MACROD2: variants seen among roughly 807,000 people sequenced by gnomAD.
The protein encoded by MACROD2 is ADP-ribose glycohydrolase MACROD2.
MACROD2 carries 36 observed loss-of-function variants against 70.4 expected under a neutral mutation model. The ratio of observed to expected loss-of-function variants is 0.51; its 90% confidence interval spans 0.39 to 0.68. The LOEUF is 0.68. Among genes scored for constraint, MACROD2 ranks in the 30% least tolerant of loss-of-function variants. The probability of loss-of-function intolerance (pLI) is 0.00; values close to 1 mark genes in which losing one functional copy is unlikely to be tolerated. For synonymous variants in MACROD2, 172 were observed against 178.8 expected, an observed-to-expected ratio of 0.96 and a Z score of 0.30; for missense variants, 496 against 538.4, an observed-to-expected ratio of 0.92 and a Z score of 0.78.
chr20:14,562,565 C>T (rs1011750715), intron 4 of MACROD2, among the ~76,000 whole-genome samples: 14 of 151,850 alleles, frequency 9.2e-5, no homozygotes, highest in East Asian at 3.9e-4. Flanking sequence ...TAGTTGGCAA[C>T]AAAAATGAGG....
At chr20:15,871,354 A>G (rs1289713641) in intron 9 of MACROD2, among the ~76,000 whole-genome samples, 1 of 152,122 alleles carries the variant, frequency 6.6e-6, no homozygotes, top group African/African-American at 2.4e-5. Context: ...AAGTACTCAC[A>G]TTATGTCTTC....
chr20:15,053,168 C>T (rs1426915391), intron 5 of MACROD2, among the ~76,000 whole-genome samples: 6 of 152,176 alleles, frequency 3.9e-5, no homozygotes, highest in Non-Finnish European at 7.3e-5. Context: ...GCCGCAAGTG[C>T]TGATGTAGAA....
chr20:15,020,614 G>C (rs1312451799), intron 5 of MACROD2, among the ~76,000 whole-genome samples: 25 of 152,056 alleles, frequency 1.6e-4, no homozygotes, highest in Non-Finnish European at 1.3e-4. Context: ...GAACATCGTA[G>C]AGTGATTTAT....
intron 6 of MACROD2, among the ~76,000 whole-genome samples, chr20:15,380,132 A>G (rs1303117964): frequency 6.6e-6 from 1 of 151,692 alleles, no homozygotes; most frequent in Non-Finnish European, 1.5e-5. Context: ...CTCTGACAAC[A>G]TATTCTAAAT....
chr20:15,927,989 A>G (rs986066732), intron 10 of MACROD2, among the ~76,000 whole-genome samples: 22 of 152,208 alleles, frequency 1.4e-4, no homozygotes, highest in African/African-American at 5.1e-4. Flanking sequence ...AAGAGACACA[A>G]CAACTGAATG....
At chr20:14,378,854 C>T (rs1347501948) in intron 3 of MACROD2, among the ~76,000 whole-genome samples, 1 of 152,144 alleles carries the variant, frequency 6.6e-6, no homozygotes, top group Non-Finnish European at 1.5e-5. Context: ...GAAGCTTTCC[C>T]ACAATAGCCA....
intron 3 of MACROD2, among the ~76,000 whole-genome samples, chr20:14,422,525 TG>T (rs1228194833): frequency 6.6e-6 from 1 of 152,184 alleles, no homozygotes; most frequent in African/African-American, 2.4e-5. Context: ...GATTTTTTTT[TG>T]TAGTGAAAAG....
intron 5 of MACROD2, among the ~76,000 whole-genome samples, chr20:14,948,181 C>A (rs1337343814): frequency 6.6e-6 from 1 of 152,056 alleles, no homozygotes; most frequent in East Asian, 1.9e-4. Context: ...ACTCTGGCTC[C>A]TTTTCAGGAG....
chr20:14,899,155 T>C (rs1165960044), intron 5 of MACROD2, among the ~76,000 whole-genome samples: 1 of 152,212 alleles, frequency 6.6e-6, no homozygotes. Context: ...ACACTTCTGA[T>C]ATTTTCAAGT....
chr20:14,543,108 C>T (rs141778025), intron 4 of MACROD2, among the ~76,000 whole-genome samples: 3 of 152,220 alleles, frequency 2.0e-5, no homozygotes, highest in African/African-American at 7.2e-5. Flanking sequence ...ACAATGATCA[C>T]CCCTTATTCT....
chr20:15,882,999 G>A (rs1434317674), intron 9 of MACROD2, among the ~76,000 whole-genome samples: 1 of 151,368 alleles, frequency 6.6e-6, no homozygotes, highest in Non-Finnish European at 1.5e-5. Context: ...GTATTTGCAT[G>A]TCTTGGTTTC....
chr20:14,780,273 G>GA (rs143469250), intron 5 of MACROD2, among the ~76,000 whole-genome samples: 5,674 of 152,048 alleles, frequency 0.037, 302 homozygotes, highest in East Asian at 0.11. Context: ...TCTTAAAAGT[G>GA]AAAACACGAC....
intron 6 of MACROD2, among the ~76,000 whole-genome samples, chr20:15,245,537 A>G (rs888812971): frequency 1.3e-5 from 2 of 152,212 alleles, no homozygotes; most frequent in Non-Finnish European, 2.9e-5. Flanking sequence ...TCAAGTTTCA[A>G]ATACAGACAG....
At chr20:14,896,379 C>A (rs2073829984) in intron 5 of MACROD2, among the ~76,000 whole-genome samples, 2 of 152,050 alleles carry the variant, frequency 1.3e-5, no homozygotes, top group Admixed American at 6.6e-5. Context: ...GTGTTGAATT[C>A]TTTGTCTTAG....
intron 4 of MACROD2, among the ~76,000 whole-genome samples, chr20:14,658,700 G>A (rs780905704): frequency 2.0e-5 from 3 of 152,088 alleles, no homozygotes; most frequent in Non-Finnish European, 2.9e-5. Flanking sequence ...TGCAACCTCC[G>A]CCTACCAGGT....
chr20:15,302,452 G>T (rs951362058), intron 6 of MACROD2, among the ~76,000 whole-genome samples: 1 of 151,778 alleles, frequency 6.6e-6, no homozygotes, highest in Non-Finnish European at 1.5e-5. Flanking sequence ...ACTCTTGTCT[G>T]CTGTTTGCCT....
At chr20:15,799,397 T>G (rs1600909139) in intron 8 of MACROD2, among the ~76,000 whole-genome samples, 1 of 152,186 alleles carries the variant, frequency 6.6e-6, no homozygotes. Flanking sequence ...TCTTTCTATC[T>G]AATTCTCTAA....
At chr20:14,970,256 A>T (rs1039253565) in intron 5 of MACROD2, among the ~76,000 whole-genome samples, 12 of 152,158 alleles carry the variant, frequency 7.9e-5, no homozygotes, top group South Asian at 4.1e-4. Context: ...CCTGGGGATT[A>T]TGGGAACTAC....
intron 8 of MACROD2, among the ~76,000 whole-genome samples, chr20:15,698,162 T>C (rs1222829429): frequency 6.6e-6 from 1 of 152,230 alleles, no homozygotes; most frequent in African/African-American, 2.4e-5. Flanking sequence ...ATTTTTGTTT[T>C]ATAGGTCCTG....
Sources: gnomAD v4.1 joint callset for allele counts (sites outside exome capture counted in the v4.1 genomes callset) on GRCh38, gnomAD v4.1.1 for gene constraint, MANE v1.5 for transcripts, NCBI Gene and HGNC (gene_info 2026-07-23, HGNC 2026-07-21) for gene names.